AGAP1: variants seen among roughly 807,000 people sequenced by gnomAD.
AGAP1 encodes arf-GAP with GTPase, ANK repeat and PH domain-containing protein 1.
A neutral mutation model predicts 105.3 loss-of-function variants in AGAP1; 29 were observed. The ratio of observed to expected loss-of-function variants is 0.28; its 90% CI spans 0.21 to 0.38. The LOEUF (loss-of-function observed/expected upper bound fraction) is 0.38. Among genes scored for constraint, AGAP1 ranks in the 10% least tolerant of loss-of-function variants. The pLI is 1.00. For synonymous variants in AGAP1, 509 were observed against 485.9 expected, an observed-to-expected ratio of 1.05 and a Z score of -0.63; for missense variants, 998 against 1,165.1, an observed-to-expected ratio of 0.86 and a Z score of 2.09.
Position 235,689,186 on chromosome 2 carries a change from C to T in AGAP1, c.164-19993C>T, listed in dbSNP as rs965773190. Among the ~76,000 whole-genome samples the T allele has an allele frequency of 7.2e-5, 11 of 152,196 alleles. No homozygotes were observed. The highest frequency in any genetic ancestry group is 3.9e-4 in the Admixed American group (6 of 15,284). On this transcript the variant is annotated intron_variant, in intron 1 of 17. Coordinates refer to ENST00000304032, the MANE Select transcript of AGAP1 (RefSeq NM_001037131.3). This position sits in a 1 kb window ranked among gnomAD's most constrained non-coding sequence, Gnocchi z 4.2. The stretch of plus-strand genomic sequence containing the variant: ...GCTTTGCTGGCCCTTGTGCTGCCTT[C>T]GGTAGATGGCCCCGGCCCTGCCTAT...
At chr2:235,522,449 CGTGATGGTG>C (rs1411325131) in intron 1 of AGAP1, among the ~76,000 whole-genome samples, 4 of 151,888 alleles carry the variant, frequency 2.6e-5, no homozygotes, top group Admixed American at 1.3e-4. Context: ...TCATAGGAGG[CGTGATGGTG>C]GTGATGGTGG....
chr2:235,920,319 C>A (rs2052118135), intron 11 of AGAP1, among the ~76,000 whole-genome samples: 1 of 152,176 alleles, frequency 6.6e-6, no homozygotes, highest in Non-Finnish European at 1.5e-5. Flanking sequence ...ATGATATCCA[C>A]TCCCAACATG....
chr2:235,903,162 AACAT>A (rs1575739287), intron 10 of AGAP1, among the ~76,000 whole-genome samples: 2 of 152,186 alleles, frequency 1.3e-5, no homozygotes, highest in African/African-American at 2.4e-5. Flanking sequence ...TATATTTCTC[AACAT>A]ACATGTACAG....
rs2055835671 is a variant in AGAP1, at chr2:235,996,799, T to A, written c.1645+28176T>A. ...AATGGAAAGCAAAGTCGTTTTAGAA[T>A]GTTGCCAAATTGTGCTCATCAAAAG... On this transcript the variant is annotated intron_variant, in intron 13 of 17. Coordinates refer to ENST00000304032, the MANE Select transcript of AGAP1 (RefSeq NM_001037131.3). Among the ~76,000 whole-genome samples, 3 of 152,372 alleles carry A rather than the reference T, an allele frequency of 2.0e-5. No homozygotes were observed. In the South Asian group the frequency reaches 6.2e-4, roughly 32 times the overall value.
chr2:235,532,783 T>C (rs1415625113), intron 1 of AGAP1, among the ~76,000 whole-genome samples: 2 of 152,182 alleles, frequency 1.3e-5, no homozygotes, highest in African/African-American at 4.8e-5. Context: ...ACCCTTTGTT[T>C]GGTGCGTGGG....
At chr2:235,589,280 A>G (rs1945252009) in intron 1 of AGAP1, among the ~76,000 whole-genome samples, 1 of 128,074 alleles carries the variant, frequency 7.8e-6, no homozygotes, top group Non-Finnish European at 1.6e-5. Context: ...GTCTTGGCTC[A>G]CTGCAATCCC....
Position 235,936,583 on chromosome 2 carries a change from C to T in AGAP1, c.1483+5660C>T, listed in dbSNP as rs1247035914. Reference sequence around the variant, plus strand: ...ACACTTTCCAGCAAGCATGTCCACACCATTCATCAATTTTAATCATTATAG... The same window carrying T: ...ACACTTTCCAGCAAGCATGTCCACATCATTCATCAATTTTAATCATTATAG... On this transcript the variant is annotated intron_variant, in intron 12 of 17. Coordinates refer to ENST00000304032, the MANE Select transcript of AGAP1 (RefSeq NM_001037131.3). The surrounding 1 kb of genome is among the most constrained non-coding windows in gnomAD (Gnocchi z 4.7). 1.3e-5 allele frequency among the ~76,000 whole-genome samples: 2 copies of T among 152,220 alleles called. No individual in the cohort carries two copies. Among genetic ancestry groups the T allele is most frequent in the African/African-American group, 2.4e-5 (1 of 41,450 alleles).
At chr2:235,836,674 A>G (rs1172583501) in intron 9 of AGAP1, among the ~76,000 whole-genome samples, 1 of 152,204 alleles carries the variant, frequency 6.6e-6, no homozygotes, top group African/African-American at 2.4e-5. Context: ...ATTTAAAGTT[A>G]ACCAGTTTAA....
rs908524597 is a variant in AGAP1, at chr2:235,865,280, C to T, written c.1051-18065C>T. 2.6e-5 allele frequency among the ~76,000 whole-genome samples: 4 copies of T among 152,226 alleles called. No homozygotes were observed. Among genetic ancestry groups the T allele is most frequent in the African/African-American group, 7.2e-5 (3 of 41,546 alleles). ...CCGGCGCTTTGAAGCCTGTGCTGTG[C>T]GATTTTCTCAGCAGTGAGGTAGGAA... On this transcript the variant is annotated intron_variant, in intron 9 of 17. Transcript: ENST00000304032. The surrounding 1 kb of genome is among the most constrained non-coding windows in gnomAD (Gnocchi z 6.2).
At chr2:235,532,537 A>G (rs1165666683) in intron 1 of AGAP1, among the ~76,000 whole-genome samples, 2 of 152,194 alleles carry the variant, frequency 1.3e-5, no homozygotes, top group East Asian at 3.9e-4. Context: ...TTGTATATGT[A>G]TCACATATGC....
Position 235,934,827 on chromosome 2 carries a change from C to T in AGAP1, c.1483+3904C>T, listed in dbSNP as rs553982975. 6.6e-6 allele frequency among the ~76,000 whole-genome samples: 1 copy of T among 152,266 alleles called. No individual in the cohort carries two copies. Among genetic ancestry groups the T allele is most frequent in the South Asian group, 2.1e-4 (1 of 4,824 alleles). ...GCCCGTGTTGGCAAGTGTGCCTTCC[C>T]ATTGTTGTGCACTCTTACTCTAAAA... On this transcript the variant is annotated intron_variant, in intron 12 of 17. Coordinates refer to ENST00000304032, the MANE Select transcript of AGAP1 (RefSeq NM_001037131.3). The surrounding 1 kb of genome is among the most constrained non-coding windows in gnomAD (Gnocchi z 4.9).
In AGAP1 at chr2:235,741,158, C is replaced by T. The variant is rs1191898301; in HGVS notation, c.396+110C>T. ...GACTTGGTTTCCAAAAAAGTGGAAA[C>T]CCCATAAAAAATGTTTCCTCTCACT... On this transcript the variant is annotated intron_variant, in intron 4 of 17. Coordinates refer to ENST00000304032, the MANE Select transcript of AGAP1 (RefSeq NM_001037131.3). This position sits in a 1 kb window ranked among gnomAD's most constrained non-coding sequence, Gnocchi z 4.9. 3 of 868,128 alleles carry T rather than the reference C, an allele frequency of 3.5e-6. No homozygotes were observed. Among genetic ancestry groups the T allele is most frequent in the South Asian group, 3.3e-5 (1 of 30,230 alleles). 53.8% of individuals were successfully genotyped at this position (868,128 alleles called of 1,614,324 possible). A position where few individuals can be genotyped will look rare whatever the true frequency, so the allele number is the denominator to read the frequency against.
At position 236,050,558 on chromosome 2, in the gene AGAP1, C is replaced by CTG. The variant is rs2057867305; in HGVS notation, c.2114+1277_2114+1278insTG. ...CTACCATAGAAATCAGCTGGGTCAT[C>CTG]AACTGTGAACAAGCTTAAAAGATGA... On this transcript the variant is annotated intron_variant, in intron 16 of 17. Transcript: ENST00000304032. The surrounding 1 kb of genome is among the most constrained non-coding windows in gnomAD (Gnocchi z 4.0). Among the ~76,000 whole-genome samples, 2 of 152,166 alleles carry CTG rather than the reference C, an allele frequency of 1.3e-5. No homozygotes were observed. Among genetic ancestry groups the CTG allele is most frequent in the Non-Finnish European group, 2.9e-5 (2 of 68,050 alleles).
At chr2:235,512,297 CATAAG>C (rs1942180662) in intron 1 of AGAP1, among the ~76,000 whole-genome samples, 1 of 152,282 alleles carries the variant, frequency 6.6e-6, no homozygotes, top group East Asian at 1.9e-4. Context: ...GTTTTGCTGA[CATAAG>C]AATAAGAAAA....
rs2049090556 is a variant in AGAP1 at position 235,864,959 on chromosome 2, A to G, written c.1051-18386A>G. 2.0e-5 allele frequency among the ~76,000 whole-genome samples: 3 copies of G among 152,138 alleles called. No homozygotes were observed. Among genetic ancestry groups the G allele is most frequent in the African/African-American group, 7.2e-5 (3 of 41,442 alleles). ...CTCGTCGGCATTACTCATCGTCAAC[A>G]TGGGTTTTTAAAAGGGAAGGAGAGA... On this transcript the variant is annotated intron_variant, in intron 9 of 17. Transcript: ENST00000304032. The surrounding 1 kb of genome is among the most constrained non-coding windows in gnomAD (Gnocchi z 5.0).
At chr2:235,518,461 T>G (rs889684393) in intron 1 of AGAP1, among the ~76,000 whole-genome samples, 3 of 152,238 alleles carry the variant, frequency 2.0e-5, no homozygotes, top group African/African-American at 7.2e-5. Flanking sequence ...TGATGATGCG[T>G]GTGCCCCACC....
At position 235,707,623 on chromosome 2, in the gene AGAP1, G is replaced by C. The variant is rs527756786; in HGVS notation, c.164-1556G>C. ...TGCTCCCCCGGCGTGTGACTTGGTG[G>C]GACGTGCTCCCCAGCATGTGACATG... is the stretch of plus-strand genomic sequence containing the variant. On this transcript the variant is annotated intron_variant, in intron 1 of 17. Transcript: ENST00000304032. Among the ~76,000 whole-genome samples, 58 of 140,920 alleles carry C rather than the reference G, an allele frequency of 4.1e-4. 3 individuals are homozygous for C. Among genetic ancestry groups the C allele is most frequent in the African/African-American group, 1.5e-3 (56 of 38,274 alleles). 92.4% of individuals were successfully genotyped at this position (140,920 alleles called of 152,430 possible).
At position 235,601,452 on chromosome 2, in the gene AGAP1, G is replaced by A. The variant is rs981347495; in HGVS notation, c.163+106603G>A. Among the ~76,000 whole-genome samples, 1 of 152,210 alleles carries A rather than the reference G, an allele frequency of 6.6e-6. No individual in the cohort carries two copies. The highest frequency in any genetic ancestry group is 2.4e-5 in the African/African-American group (1 of 41,456). On this transcript the variant is annotated intron_variant, in intron 1 of 17. Coordinates refer to ENST00000304032, the MANE Select transcript of AGAP1 (RefSeq NM_001037131.3). The surrounding 1 kb of genome is among the most constrained non-coding windows in gnomAD (Gnocchi z 4.4). ...TTTAACGGACTCACAGTTCTACATG[G>A]CTGGGGAGGCCTCACAGTCATGGCG...
chr2:235,811,146 C>T (rs1162342560), intron 9 of AGAP1, among the ~76,000 whole-genome samples: 1 of 152,058 alleles, frequency 6.6e-6, no homozygotes, highest in Non-Finnish European at 1.5e-5. Flanking sequence ...GTGTGCTCTC[C>T]TTTCTTTCTT....
Sources: allele counts gnomAD v4.1 joint callset (sites outside exome capture counted in the v4.1 genomes callset), GRCh38; gene constraint gnomAD v4.1.1; non-coding constraint Gnocchi (gnomAD v3.1); transcripts MANE v1.5; gene names NCBI Gene and HGNC (gene_info 2026-07-23, HGNC 2026-07-21).